NTM: variants seen among roughly 807,000 people sequenced by gnomAD.
NTM encodes the protein IgLON family member 2.
Under a neutral mutation model 42.1 loss-of-function variants are expected in NTM, and 13 were observed. The observed-to-expected ratio is 0.31, with a 90% CI of 0.20 to 0.49. The LOEUF (loss-of-function observed/expected upper bound fraction) is 0.49. NTM is among the 20% of genes least tolerant of loss of function. The probability of loss-of-function intolerance (pLI) is 0.99; values close to 1 mark genes in which losing one functional copy is unlikely to be tolerated. For missense variants in NTM, 373 were observed against 452.8 expected, an observed-to-expected ratio of 0.82 and a Z score of 1.60; for synonymous variants, 187 against 179.2, an observed-to-expected ratio of 1.04 and a Z score of -0.35.
chr11:131,633,458 T>C (rs1471989588), intron 1 of NTM, among the ~76,000 whole-genome samples: 4 of 152,202 alleles, frequency 2.6e-5, no homozygotes, highest in Non-Finnish European at 5.9e-5. Context: ...GGTTGTTCTG[T>C]CTTCTAGTCT....
intron 3 of NTM, among the ~76,000 whole-genome samples, chr11:132,189,007 A>G (rs1480535914): frequency 6.6e-6 from 1 of 152,248 alleles, no homozygotes; most frequent in Non-Finnish European, 1.5e-5. Context: ...AAGGAGGCCT[A>G]CATGATGATG....
intron 1 of NTM, among the ~76,000 whole-genome samples, chr11:131,512,300 AT>A (rs1286648498): frequency 2.6e-5 from 4 of 152,168 alleles, no homozygotes; most frequent in Non-Finnish European, 4.4e-5. Flanking sequence ...CTTTCTGAAT[AT>A]ATTTAAAATC....
chr11:131,486,430 C>T (rs1393115626), intron 1 of NTM, among the ~76,000 whole-genome samples: 1 of 152,192 alleles, frequency 6.6e-6, no homozygotes, highest in Non-Finnish European at 1.5e-5. Context: ...TTACCCAGGG[C>T]CAACTTTCAA....
At chr11:132,276,032 G>C (rs759827749) in intron 4 of NTM, among the ~76,000 whole-genome samples, 2 of 151,586 alleles carry the variant, frequency 1.3e-5, no homozygotes, top group Non-Finnish European at 2.9e-5. Context: ...CTGTTCTACT[G>C]TTTCTGTGAT....
Position 132,146,431 on chromosome 11 carries a change from A to C in NTM, c.317A>C (p.Asp106Ala), listed in dbSNP as rs138928887. ...TACAGCATCGAGATCCAGAACGTGG[A>C]TGTGTATGACGAGGGCCCTTACACC... Reference protein sequence around the residue: ...TQYSIEIQNVDVYDEGPYTCS... With the variant: ...TQYSIEIQNVAVYDEGPYTCS... The change falls in exon 3 of 9, where the codon GAT becomes GCT. Residue 106 changes from aspartate (D) to alanine (A), a missense_variant. By Grantham distance (126) the Asp-to-Ala change is moderately radical. Transcript: ENST00000683400. The surrounding 1 kb of genome is among the most constrained non-coding windows in gnomAD (Gnocchi z 4.5). 1 of 1,614,212 alleles carries C rather than the reference A, an allele frequency of 6.2e-7. No individual in the cohort carries two copies. Among genetic ancestry groups the C allele is most frequent in the South Asian group, 1.1e-5 (1 of 91,086 alleles).
rs772052989 is a variant in NTM at position 132,335,109 on chromosome 11, T to C, written c.1031T>C (p.Leu344Pro). The C allele has an allele frequency of 2.5e-6, 4 of 1,612,820 alleles. No individual in the cohort carries two copies. Among genetic ancestry groups the C allele is most frequent in the South Asian group, 2.2e-5 (2 of 91,068 alleles). The stretch of plus-strand genomic sequence containing the variant: ...AGGAGGGCAGGCTGCGTCTGGCTGC[T>C]GCCTCTTCTGGTCTTGCACCTGCTT... The part of the protein sequence containing the change: ...TSRRAGCVWL[L>P]PLLVLHLLLK... The change falls in exon 9 of 9, where the codon CTG (leucine) becomes CCG (proline). Residue 344 changes from leucine (L) to proline (P), a missense_variant. Leu to Pro is a moderately conservative substitution (Grantham distance 98). Around this residue, in one of 3 missense-constraint regions of NTM, gnomAD observed 312 missense variants for 353.5 expected, o/e 0.88. Coordinates refer to ENST00000683400, the MANE Select transcript of NTM (RefSeq NM_001352005.2).
intron 1 of NTM, among the ~76,000 whole-genome samples, chr11:131,906,522 G>C (rs1362268606): frequency 1.3e-5 from 2 of 151,984 alleles, no homozygotes; most frequent in African/African-American, 4.8e-5. Flanking sequence ...ACGAGTCCAG[G>C]GTCTTATTAT....
chr11:131,450,096 A>G (rs146460008), intron 1 of NTM, among the ~76,000 whole-genome samples: 22 of 152,280 alleles, frequency 1.4e-4, no homozygotes, highest in African/African-American at 5.1e-4. Flanking sequence ...CCCTGCAGGT[A>G]GGCTGCTTTC....
At chr11:131,675,934 A>G (rs985510899) in intron 1 of NTM, among the ~76,000 whole-genome samples, 1 of 152,216 alleles carries the variant, frequency 6.6e-6, no homozygotes, top group Non-Finnish European at 1.5e-5. Context: ...GTCCAGATCC[A>G]TAATCTGGGA....
chr11:131,541,022 G>A (rs1397789842), intron 1 of NTM, among the ~76,000 whole-genome samples: 2 of 152,092 alleles, frequency 1.3e-5, no homozygotes, highest in Middle Eastern at 3.2e-3. Context: ...GCCTCTAATT[G>A]CACCAGATTA....
At chr11:131,698,041 C>T (rs763853036) in intron 1 of NTM, among the ~76,000 whole-genome samples, 1 of 152,208 alleles carries the variant, frequency 6.6e-6, no homozygotes, top group Non-Finnish European at 1.5e-5. Context: ...CCTGCAATTA[C>T]ACATTCCCTG....
intron 2 of NTM, among the ~76,000 whole-genome samples, chr11:132,077,401 A>C (rs1225459609): frequency 6.6e-6 from 1 of 152,244 alleles, no homozygotes; most frequent in African/African-American, 2.4e-5. Flanking sequence ...TAAGAAATTC[A>C]TGCCTACAGA....
At chr11:131,810,914 T>G (rs940373537) in intron 1 of NTM, among the ~76,000 whole-genome samples, 1 of 152,184 alleles carries the variant, frequency 6.6e-6, no homozygotes, top group African/African-American at 2.4e-5. Flanking sequence ...GATACACTGG[T>G]GTGTTGCAGT....
rs200618752 is a variant in NTM at position 132,146,375 on chromosome 11, C to A, written c.261C>A (p.Arg87=). 6.2e-7 allele frequency: 1 copy of A among 1,614,168 alleles called. No individual in the cohort carries two copies. The highest frequency in any genetic ancestry group is 2.2e-5 in the East Asian group (1 of 44,850). The stretch of plus-strand genomic sequence containing the variant: ...ATGACAAGTGGTGCCTGGATCCTCG[C>A]GTGGTCCTTCTGAGCAACACCCAAA... ...AGNDKWCLDP[R]VVLLSNTQTQ... The change falls in exon 3 of 9, where the codon CGC becomes CGA. Residue 87 remains arginine, a synonymous_variant. Coordinates refer to ENST00000683400, the MANE Select transcript of NTM (RefSeq NM_001352005.2). This position sits in a 1 kb window ranked among gnomAD's most constrained non-coding sequence, Gnocchi z 4.5.
At chr11:131,709,286 A>G (rs1373789916) in intron 1 of NTM, among the ~76,000 whole-genome samples, 2 of 152,194 alleles carry the variant, frequency 1.3e-5, no homozygotes, top group East Asian at 1.9e-4. Context: ...GCTTCTGAGC[A>G]GAAGAATGAC....
chr11:131,739,198 T>C (rs2135559913), intron 1 of NTM, among the ~76,000 whole-genome samples: 1 of 152,212 alleles, frequency 6.6e-6, no homozygotes, highest in South Asian at 2.1e-4. Context: ...TTTTTTTTTT[T>C]TTAAAGAGTC....
chr11:132,212,628 C>T (rs901499788), intron 4 of NTM, among the ~76,000 whole-genome samples: 7 of 152,110 alleles, frequency 4.6e-5, no homozygotes, highest in Admixed American at 2.0e-4. Context: ...TGTTTTACTC[C>T]GATTGATCCT....
chr11:132,224,413 T>C (rs1262114582), intron 4 of NTM, among the ~76,000 whole-genome samples: 1 of 151,918 alleles, frequency 6.6e-6, no homozygotes, highest in Non-Finnish European at 1.5e-5. Context: ...TTCTTTTCTC[T>C]AGGGGAATGA....
At chr11:132,175,604 T>TC (rs1367484425) in intron 3 of NTM, among the ~76,000 whole-genome samples, 2 of 152,012 alleles carry the variant, frequency 1.3e-5, no homozygotes, top group Non-Finnish European at 2.9e-5. Flanking sequence ...CCTTTTTTTT[T>TC]TCAGACAGAG....
Sources: gnomAD v4.1 joint callset for allele counts (sites outside exome capture counted in the v4.1 genomes callset) on GRCh38, gnomAD v4.1.1 for gene constraint, gnomAD v4.1.1 regional missense constraint, Gnocchi (gnomAD v3.1) non-coding constraint, MANE v1.5 for transcripts, NCBI Gene and HGNC (gene_info 2026-07-23, HGNC 2026-07-21) for gene names.